The following JAM3 variants were observed in gnomAD, a reference collection of about 807,000 sequenced individuals.
JAM3 encodes junctional adhesion molecule C.
A neutral mutation model predicts 39.4 loss-of-function variants in JAM3; 31 were observed. That is an observed-to-expected ratio of 0.79 (90% CI 0.59 to 1.06). The LOEUF is 1.06. Ranked by LOEUF, JAM3 falls within the 50% of genes least tolerant of loss-of-function variation. The pLI is 0.00. For missense variants in JAM3, 455 were observed against 391.4 expected (o/e 1.16, Z -1.37); for synonymous variants, 182 against 148.7 (o/e 1.22, Z -1.63).
At chr11:134,149,028 TG>T in intron 8 of JAM3, 117 bp from the exon 9 acceptor site, 1 of 1,244,754 alleles carries the variant, frequency 8.0e-7, no homozygotes, top group East Asian at 2.3e-5. Context: ...GCGCTAGTGA[TG>T]GTACTTTTTA....
intron 3 of JAM3, among the ~76,000 whole-genome samples, chr11:134,143,169 C>G (rs1943006146): frequency 6.6e-6 from 1 of 152,142 alleles, no homozygotes; most frequent in African/African-American, 2.4e-5. Flanking sequence ...AAAAAACCGA[C>G]AGAGTGTTTT....
intron 1 of JAM3, among the ~76,000 whole-genome samples, chr11:134,132,609 G>T (rs1942789379): frequency 2.0e-5 from 3 of 152,186 alleles, no homozygotes; most frequent in South Asian, 4.1e-4. Context: ...ATCCCAGTAG[G>T]TTAGACTCTG....
At chr11:134,123,102 TTAGA>T (rs555216341) in intron 1 of JAM3, among the ~76,000 whole-genome samples, 131 of 152,344 alleles carry the variant, frequency 8.6e-4, no homozygotes, top group Middle Eastern at 3.4e-3. Context: ...TTGTCTAGTA[TTAGA>T]TAGGGTTTTG....
intron 1 of JAM3, among the ~76,000 whole-genome samples, chr11:134,137,967 CGTG>C (rs1942899035): frequency 9.3e-6 from 1 of 107,506 alleles, no homozygotes; most frequent in Non-Finnish European, 1.9e-5. Context: ...TCGTCGAAGT[CGTG>C]GTGCTCATAC....
intron 1 of JAM3, among the ~76,000 whole-genome samples, chr11:134,134,667 T>C (rs470680): frequency 6.6e-6 from 1 of 151,874 alleles, no homozygotes; most frequent in Non-Finnish European, 1.5e-5. Context: ...CCTCACCAAC[T>C]CTTATTATTT....
At position 134,148,829 on chromosome 11, in the gene JAM3, A is replaced by C; in HGVS notation, c.897+11A>C. ...CGCACTGACGAGGAGGTAATCATTT[A>C]GTAAACCTGGAAACCTAGGTGTACC... On this transcript the variant is annotated intron_variant, in intron 8 of 8. Coordinates refer to ENST00000299106, the MANE Select transcript of JAM3 (RefSeq NM_032801.5). 6.2e-7 allele frequency: 1 copy of C among 1,613,860 alleles called. No individual in the cohort carries two copies. Among genetic ancestry groups the C allele is most frequent in the Non-Finnish European group, 8.5e-7 (1 of 1,179,758 alleles).
intron 1 of JAM3, among the ~76,000 whole-genome samples, chr11:134,109,079 C>G (rs568271180): frequency 3.3e-5 from 5 of 152,240 alleles, no homozygotes; most frequent in Non-Finnish European, 5.9e-5. Context: ...GCCTTAGCCT[C>G]CCGTGTAGCT....
rs993380115 is a variant in JAM3, at chr11:134,151,417, GCCT to G, written c.*2240_*2242del. On this transcript the variant is annotated 3_prime_UTR_variant, in exon 9 of 9. Coordinates refer to ENST00000299106, the MANE Select transcript of JAM3 (RefSeq NM_032801.5). ...CTCAGCGTTGGGGATTCACGCTCCA[GCCT>G]CCTTCTTGGTTGTCATAGTGATAGG... 6.6e-6 allele frequency: 1 copy of G among 152,122 alleles called. No individual in the cohort carries two copies. Among genetic ancestry groups the G allele is most frequent in the African/African-American group, 2.4e-5 (1 of 41,428 alleles). 9.4% of individuals were successfully genotyped at this position (152,122 alleles called of 1,614,324 possible).
intron 1 of JAM3, among the ~76,000 whole-genome samples, 188 bp downstream of exon 1, chr11:134,069,347 T>C (rs1486642643): frequency 6.6e-6 from 1 of 151,872 alleles, no homozygotes; most frequent in Non-Finnish European, 1.5e-5. Flanking sequence ...CGGGCCTGGC[T>C]AGGGCGGGGG....
At chr11:134,071,239 A>G (rs1269191539) in intron 1 of JAM3, among the ~76,000 whole-genome samples, 1 of 152,220 alleles carries the variant, frequency 6.6e-6, no homozygotes, top group Non-Finnish European at 1.5e-5. Context: ...GATAACTCTA[A>G]GAAGTCGTTA....
intron 3 of JAM3, 30 bp from the exon 4 acceptor site, chr11:134,144,211 G>C (rs780183089): frequency 6.2e-7 from 1 of 1,613,906 alleles, no homozygotes; most frequent in Non-Finnish European, 8.5e-7. Flanking sequence ...CTTTAAAGAA[G>C]TTTTTTAGTG....
intron 1 of JAM3, among the ~76,000 whole-genome samples, chr11:134,123,079 G>C (rs1283198713): frequency 6.6e-6 from 1 of 152,154 alleles, no homozygotes; most frequent in Admixed American, 6.5e-5. Context: ...AAAACAAAAG[G>C]CTCTTGGCTA....
Position 134,144,222 on chromosome 11 carries a change from C to T in JAM3, c.257-19C>T. 2 of 1,614,032 alleles carry T rather than the reference C, an allele frequency of 1.2e-6. No individual in the cohort carries two copies. The highest frequency in any genetic ancestry group is 2.2e-5 in the East Asian group (1 of 44,870). On this transcript the variant is annotated intron_variant, in intron 3 of 8. Coordinates refer to ENST00000299106, the MANE Select transcript of JAM3 (RefSeq NM_032801.5). ...ATTTCTTTAAAGAAGTTTTTTAGTG[C>T]CTCGTGTCTTTTCTGTAGGAGACTT...
intron 1 of JAM3, among the ~76,000 whole-genome samples, chr11:134,116,319 A>G (rs536821220): frequency 6.6e-6 from 1 of 152,234 alleles, no homozygotes; most frequent in South Asian, 2.1e-4. Context: ...TGTTCTAATG[A>G]TTATTTCCTA....
chr11:134,146,196 G>A, intron 6 of JAM3, 151 bp downstream of exon 6: 2 of 687,310 alleles, frequency 2.9e-6, no homozygotes, highest in Non-Finnish European at 5.2e-6. Flanking sequence ...CCACTGCACA[G>A]TGAAGGGAAG....
intron 1 of JAM3, among the ~76,000 whole-genome samples, chr11:134,078,107 C>T (rs562441900): frequency 6.6e-6 from 1 of 152,112 alleles, no homozygotes; most frequent in African/African-American, 2.4e-5. Context: ...TCAGTGTCCC[C>T]ACTGGAGTGT....
chr11:134,122,250 A>G (rs1379737244), intron 1 of JAM3, among the ~76,000 whole-genome samples: 1 of 152,208 alleles, frequency 6.6e-6, no homozygotes, highest in African/African-American at 2.4e-5. Flanking sequence ...GACGCTAACA[A>G]AATGGGAGGC....
intron 1 of JAM3, among the ~76,000 whole-genome samples, chr11:134,080,784 G>T (rs1446215014): frequency 2.0e-5 from 3 of 152,190 alleles, no homozygotes. Flanking sequence ...AAATGTGGAA[G>T]AGACTTTGGA....
intron 1 of JAM3, among the ~76,000 whole-genome samples, chr11:134,108,517 A>G (rs934376839): frequency 9.2e-5 from 14 of 152,242 alleles, no homozygotes; most frequent in Admixed American, 2.6e-4. Context: ...CATAGATGCA[A>G]AAATTTCAAA....
Sources: gnomAD v4.1 joint callset for allele counts (sites outside exome capture counted in the v4.1 genomes callset) on GRCh38, gnomAD v4.1.1 for gene constraint, MANE v1.5 for transcripts, NCBI Gene and HGNC (gene_info 2026-07-23, HGNC 2026-07-21) for gene names.